The following SLC23A2 variants were observed in gnomAD, a reference collection of about 807,000 sequenced individuals.
SLC23A2 encodes Na(+)/L-ascorbic acid transporter 2.
SLC23A2 carries 36 observed loss-of-function variants against 73.3 expected under a neutral mutation model. The observed-to-expected ratio is 0.49, with a 90% CI of 0.38 to 0.65. The LOEUF is 0.65. Ranked by LOEUF, SLC23A2 falls within the 30% of genes least tolerant of loss-of-function variation. The pLI, the probability that SLC23A2 is intolerant of heterozygous loss-of-function variation, is 0.00. For missense variants in SLC23A2, 507 were observed against 841.6 expected (o/e 0.60, Z 4.92); for synonymous variants, 343 against 327.3 (o/e 1.05, Z -0.52).
upstream of SLC23A2, among the ~76,000 whole-genome samples, chr20:5,003,356 C>T (rs1321219546): frequency 6.6e-6 from 1 of 152,052 alleles, no homozygotes; most frequent in Non-Finnish European, 1.5e-5. Flanking sequence ...CGCACTCCAG[C>T]CTGGGCGACA....
intron 4 of SLC23A2, 149 bp downstream of exon 4, chr20:4,912,731 G>A (rs1207414860): frequency 3.5e-6 from 2 of 578,666 alleles, no homozygotes; most frequent in African/African-American, 3.8e-5. Flanking sequence ...CTTCCCTTAT[G>A]AAGAGAACAC....
chr20:4,938,085 C>G (rs1267135998), intron 2 of SLC23A2, among the ~76,000 whole-genome samples: 2 of 148,322 alleles, frequency 1.3e-5, no homozygotes, highest in Non-Finnish European at 3.0e-5. Flanking sequence ...AGCTGGAGTG[C>G]AGTGGCGCGA....
chr20:5,007,855 T>C (rs924290391), intron 1 of SLC23A2, among the ~76,000 whole-genome samples: 1 of 152,188 alleles, frequency 6.6e-6, no homozygotes, highest in Admixed American at 6.6e-5. Context: ...CATTGTAGTG[T>C]GCTTCAATAT....
chr20:4,993,410 G>GAAAAAAAAAAAAAA (rs3055956), intron 1 of SLC23A2, among the ~76,000 whole-genome samples: 4 of 121,524 alleles, frequency 3.3e-5, no homozygotes, highest in African/African-American at 9.1e-5. Context: ...GCCAAAATCC[G>GAAAAAAAAAAAAAA]AAAAAAAAAA....
chr20:4,950,716 C>T lies in SLC23A2; in HGVS notation c.-154-18000G>A, dbSNP rs1191897507. 2.6e-5 allele frequency among the ~76,000 whole-genome samples: 4 copies of T among 152,046 alleles called. No homozygotes were observed. In the East Asian group the frequency reaches 5.8e-4, roughly 22 times the overall value. On this transcript the variant is annotated intron_variant, in intron 2 of 16. Transcript: ENST00000338244. ...TCCATCTCCCTAACACCAGACTGCC[C>T]TTCCCAAATCCAGAAAGGGAACTCG...
intron 2 of SLC23A2, among the ~76,000 whole-genome samples, chr20:4,939,945 A>G (rs1396038869): frequency 6.6e-6 from 1 of 152,104 alleles, no homozygotes; most frequent in African/African-American, 2.4e-5. Context: ...TCCAATTAAC[A>G]TAATCTACAC....
chr20:4,858,834 T>C (rs1929840030), intron 16 of SLC23A2, among the ~76,000 whole-genome samples: 1 of 152,188 alleles, frequency 6.6e-6, no homozygotes, highest in Non-Finnish European at 1.5e-5. Flanking sequence ...GCCCATGGTC[T>C]TCTACTGCCT....
intron 1 of SLC23A2, among the ~76,000 whole-genome samples, chr20:4,981,284 G>A (rs991063920): frequency 2.6e-5 from 4 of 152,164 alleles, no homozygotes; most frequent in African/African-American, 4.8e-5. Flanking sequence ...GAAAGTGCAC[G>A]AACAGACCTA....
At chr20:5,009,745 TG>T (rs2088228670) in intron 1 of SLC23A2, among the ~76,000 whole-genome samples, 1 of 152,088 alleles carries the variant, frequency 6.6e-6, no homozygotes, top group Admixed American at 6.6e-5. Flanking sequence ...AATTGGAAAC[TG>T]AATTAGTCAA....
chr20:4,853,932 T>C lies in SLC23A2; in HGVS notation c.*3040A>G, dbSNP rs1052544665. The C allele has an allele frequency of 1.3e-5, 2 of 152,240 alleles. No homozygotes were observed. The highest frequency in any genetic ancestry group is 2.9e-5 in the Non-Finnish European group (2 of 68,042). 9.4% of individuals were successfully genotyped at this position (152,240 alleles called of 1,614,324 possible). On this transcript the variant is annotated 3_prime_UTR_variant, in exon 17 of 17. Transcript: ENST00000338244. ...TTACAAAGACTAGAGTCACTTCCCA[T>C]TATTCTGTGAAGCAGGGGTGGGGGC...
intron 2 of SLC23A2, among the ~76,000 whole-genome samples, chr20:4,969,294 G>A (rs1235221489): frequency 2.0e-5 from 3 of 151,874 alleles, no homozygotes; most frequent in African/African-American, 7.3e-5. Context: ...TCTCCATGTT[G>A]TACAGGCTGG....
intron 1 of SLC23A2, among the ~76,000 whole-genome samples, chr20:4,990,866 T>A (rs1242173662): frequency 6.8e-5 from 10 of 148,104 alleles, no homozygotes; most frequent in African/African-American, 2.5e-4. Context: ...ACTGTAATTC[T>A]ACATCGGAGG....
At chr20:4,877,485 G>A (rs1043918550) in intron 9 of SLC23A2, among the ~76,000 whole-genome samples, 5 of 152,092 alleles carry the variant, frequency 3.3e-5, no homozygotes, top group Admixed American at 6.6e-5. Flanking sequence ...ATAAAATTAT[G>A]TATATATACT....
intron 13 of SLC23A2, among the ~76,000 whole-genome samples, chr20:4,864,818 G>A (rs959149763): frequency 1.3e-5 from 2 of 152,166 alleles, no homozygotes; most frequent in African/African-American, 4.8e-5. Flanking sequence ...AGAGCATCCA[G>A]GCAGAGGAAA....
In SLC23A2 at chr20:4,862,201, C is replaced by A; in HGVS notation, c.1487-116G>T. The A allele has an allele frequency of 2.9e-6, 3 of 1,031,558 alleles. No homozygotes were observed. The highest frequency in any genetic ancestry group is 4.3e-6 in the Non-Finnish European group (3 of 693,542). 63.9% of individuals were successfully genotyped at this position (1,031,558 alleles called of 1,614,324 possible). On this transcript the variant is annotated intron_variant, in intron 14 of 16. Transcript: ENST00000338244. The surrounding 1 kb of genome is among the most constrained non-coding windows in gnomAD (Gnocchi z 5.1). ...CTCTGTCCAACAGAAACCAATGAGA[C>A]CAGTGCAGGGACAGGAAGGGGGACG...
At chr20:5,008,101 G>A (rs1053946221) in intron 1 of SLC23A2, among the ~76,000 whole-genome samples, 3 of 151,950 alleles carry the variant, frequency 2.0e-5, no homozygotes, top group Non-Finnish European at 2.9e-5. Flanking sequence ...GTAGAGATGG[G>A]GTTTCACCAT....
chr20:4,894,429 G>A (rs1931444133), intron 6 of SLC23A2, among the ~76,000 whole-genome samples: 1 of 152,244 alleles, frequency 6.6e-6, no homozygotes, highest in Non-Finnish European at 1.5e-5. Context: ...TTCATGCCAG[G>A]GGAGAGATGT....
At position 4,874,569 on chromosome 20, in the gene SLC23A2, T is replaced by G; in HGVS notation, c.945+7A>C. The G allele has an allele frequency of 6.3e-7, 1 of 1,585,650 alleles. No individual in the cohort carries two copies. The highest frequency in any genetic ancestry group is 8.6e-7 in the Non-Finnish European group (1 of 1,166,962). ...AATGTCAGCAGGGGAAGAAGTCAGC[T>G]ACTCACAGGGAACATTTTGAACAGC... is the stretch of plus-strand genomic sequence containing the variant. On this transcript the variant is annotated splice_region_variant and intron_variant, in intron 10 of 16. Transcript: ENST00000338244.
intron 2 of SLC23A2, among the ~76,000 whole-genome samples, chr20:4,937,342 T>C (rs2086975874): frequency 6.6e-6 from 1 of 152,124 alleles, no homozygotes; most frequent in Admixed American, 6.5e-5. Context: ...ATTGCCCCTT[T>C]TCCTACCCTT....
Sources: allele counts gnomAD v4.1 joint callset (sites outside exome capture counted in the v4.1 genomes callset), GRCh38; gene constraint gnomAD v4.1.1; non-coding constraint Gnocchi (gnomAD v3.1); transcripts MANE v1.5; gene names NCBI Gene and HGNC (gene_info 2026-07-23, HGNC 2026-07-21).